BATF3: variants seen among roughly 807,000 people sequenced by gnomAD.
The protein encoded by BATF3 is basic leucine zipper ATF-like transcription factor 3, also known as basic leucine zipper transcriptional factor ATF-like 3.
A neutral mutation model predicts 16.1 loss-of-function variants in BATF3; 8 were observed. The observed-to-expected ratio is 0.50, with a 90% CI of 0.29 to 0.90. The LOEUF (loss-of-function observed/expected upper bound fraction) is 0.90, where lower values mean the gene tolerates loss of function less well. Ranked by LOEUF, BATF3 falls within the 40% of genes least tolerant of loss-of-function variation. The pLI, the probability that BATF3 is intolerant of heterozygous loss-of-function variation, is 0.08. For synonymous variants in BATF3, 74 were observed against 72.7 expected (o/e 1.02, Z -0.09); for missense variants, 139 against 167.0 (o/e 0.83, Z 0.92).
intron 1 of BATF3, chr1:212,697,906 C>A (rs1301529123): frequency 6.6e-6 from 1 of 152,162 alleles, no homozygotes; most frequent in Non-Finnish European, 1.5e-5. Flanking sequence ...GGGAAAAATA[C>A]CACACTTACA....
At position 212,699,255 on chromosome 1, in the gene BATF3, C is replaced by CA. The variant is rs1280760134; in HGVS notation, c.90+417dup. ...CCGGCGTTCTCCATTCCCGCGGCAG[C>CA]ACCCCCCCCACCCGGGGGAATCCTG... On this transcript the variant is annotated intron_variant, in intron 1 of 2. Transcript: ENST00000243440. The surrounding 1 kb of genome is among the most constrained non-coding windows in gnomAD (Gnocchi z 4.4). 2.3e-5 allele frequency among the ~76,000 whole-genome samples: 3 copies of CA among 132,230 alleles called. No homozygotes were observed. The highest frequency in any genetic ancestry group is 8.4e-5 in the African/African-American group (3 of 35,814). 86.7% of individuals were successfully genotyped at this position (132,230 alleles called of 152,430 possible).
At chr1:212,687,751 C>A (rs1656883178) in intron 2 of BATF3, among the ~76,000 whole-genome samples, 2 of 151,744 alleles carry the variant, frequency 1.3e-5, no homozygotes, top group South Asian at 4.2e-4. Flanking sequence ...CACAGTGGGA[C>A]CCCATCTCTA....
chr1:212,689,045 G>C lies in BATF3; in HGVS notation c.196-2066C>G, dbSNP rs1188255576. 1.3e-5 allele frequency among the ~76,000 whole-genome samples: 2 copies of C among 152,102 alleles called. No individual in the cohort carries two copies. Among genetic ancestry groups the C allele is most frequent in the Non-Finnish European group, 2.9e-5 (2 of 68,020 alleles). ...TCCAGCTCAAGCCCACCACCTCCAG[G>C]AAGGCTTCCCTGACCACAGCACCTA... On this transcript the variant is annotated intron_variant, in intron 2 of 2. Transcript: ENST00000243440. The surrounding 1 kb of genome is among the most constrained non-coding windows in gnomAD (Gnocchi z 4.6).
intron 2 of BATF3, among the ~76,000 whole-genome samples, chr1:212,695,703 A>G (rs1657111263): frequency 6.6e-6 from 1 of 151,986 alleles, no homozygotes; most frequent in Admixed American, 6.6e-5. Flanking sequence ...ACACACACCA[A>G]CCCCGACAAA....
At position 212,699,413 on chromosome 1, in the gene BATF3, C is replaced by A. The variant is rs911165735; in HGVS notation, c.90+260G>T. Among the ~76,000 whole-genome samples the A allele has an allele frequency of 6.6e-6, 1 of 152,130 alleles. No individual in the cohort carries two copies. Among genetic ancestry groups the A allele is most frequent in the African/African-American group, 2.4e-5 (1 of 41,444 alleles). Reference sequence around the variant, plus strand: ...CGGCCCAGCCAGGCGTCGGCGCCCTCGGGCTTCTTCCCCCAGAGGGCGCAG... The same window carrying A: ...CGGCCCAGCCAGGCGTCGGCGCCCTAGGGCTTCTTCCCCCAGAGGGCGCAG... On this transcript the variant is annotated intron_variant, in intron 1 of 2. Coordinates refer to ENST00000243440, the MANE Select transcript of BATF3 (RefSeq NM_018664.3). This position sits in a 1 kb window ranked among gnomAD's most constrained non-coding sequence, Gnocchi z 4.4.
In BATF3 at chr1:212,686,981, T is replaced by C; in HGVS notation, c.196-2A>G. 1 of 1,581,866 alleles carries C rather than the reference T, an allele frequency of 6.3e-7. No individual in the cohort carries two copies. ...TTCTTGCTCCAGGCTCTCATATTCC[T>C]GGGGGAGACAGAATGGGCAAAATCA... On this transcript the variant is annotated splice_acceptor_variant, in intron 2 of 2. Coordinates refer to ENST00000243440, the MANE Select transcript of BATF3 (RefSeq NM_018664.3). LOFTEE classifies it high-confidence loss of function.
Position 212,686,795 on chromosome 1 carries a change from C to T in BATF3, c.380G>A (p.Arg127Gln), listed in dbSNP as rs766884876. The stretch of plus-strand genomic sequence containing the variant: ...GGCAGAGGAGTGTCCCCGGCTTCAT[C>T]GGGGCAAGCAGCCGGCCACAGGGTC... ...RPDPVAGCLP[R>Q] Residue 127 changes from arginine (R) to glutamine (Q), a missense_variant, in exon 3 of 3, where the codon CGA becomes CAA. Physicochemically the swap from Arg to Gln is conservative, Grantham distance 43. Transcript: ENST00000243440. 1.1e-5 allele frequency: 18 copies of T among 1,610,846 alleles called. No homozygotes were observed. Among genetic ancestry groups the T allele is most frequent in the Middle Eastern group, 1.7e-4 (1 of 5,806 alleles).
intron 2 of BATF3, among the ~76,000 whole-genome samples, chr1:212,696,483 G>A (rs1657135044): frequency 6.6e-6 from 1 of 151,962 alleles, no homozygotes; most frequent in Admixed American, 6.6e-5. Context: ...GTGAATGTGT[G>A]TGTTTGTTTG....
intron 1 of BATF3, 78 bp from the exon 2 acceptor site, chr1:212,697,143 T>C (rs1354481111): frequency 1.7e-6 from 2 of 1,148,036 alleles, no homozygotes; most frequent in East Asian, 4.8e-5. Context: ...TCACTCAGCG[T>C]TGTTCACTGA....
chr1:212,697,188 T>C (rs1386037936), intron 1 of BATF3, 123 bp from the exon 2 acceptor site: 2 of 714,684 alleles, frequency 2.8e-6, no homozygotes, highest in African/African-American at 3.5e-5. Flanking sequence ...ACAGCACCAC[T>C]AGTTGCTATA....
At chr1:212,690,977 CAT>C (rs1656986143) in intron 2 of BATF3, among the ~76,000 whole-genome samples, 1 of 152,220 alleles carries the variant, frequency 6.6e-6, no homozygotes, top group South Asian at 2.1e-4. Flanking sequence ...GCTACTACAT[CAT>C]GTGGCTAGAG....
At chr1:212,695,450 T>C (rs545294903) in intron 2 of BATF3, among the ~76,000 whole-genome samples, 53 of 123,082 alleles carry the variant, frequency 4.3e-4, no homozygotes, top group Admixed American at 2.2e-4. Context: ...GCTGAGATCA[T>C]GCCACTGCAC....
intron 2 of BATF3, among the ~76,000 whole-genome samples, 194 bp from the exon 3 acceptor site, chr1:212,687,173 G>A (rs759879484): frequency 2.0e-5 from 3 of 152,138 alleles, no homozygotes; most frequent in Non-Finnish European, 4.4e-5. Flanking sequence ...ATTTATTGAG[G>A]TATAACTTAC....
chr1:212,697,174 G>A lies in BATF3; in HGVS notation c.91-109C>T, dbSNP rs903931709. On this transcript the variant is annotated intron_variant, in intron 1 of 2. Transcript: ENST00000243440. ...ACTGAGCTTCATCATTTGCTTTGCA[G>A]TAGACAGCACCACTAGTTGCTATAC... The A allele has an allele frequency of 3.6e-6, 3 of 831,262 alleles. No individual in the cohort carries two copies. The Admixed American group carries it at 6.3e-5, about 18-fold the overall frequency. 51.5% of individuals were successfully genotyped at this position (831,262 alleles called of 1,614,324 possible).
chr1:212,691,347 T>G (rs976088472), intron 2 of BATF3, among the ~76,000 whole-genome samples: 1 of 152,218 alleles, frequency 6.6e-6, no homozygotes, highest in Non-Finnish European at 1.5e-5. Context: ...CAAGGTCACA[T>G]AGACCTGGGA....
At chr1:212,696,134 AG>A (rs1188147670) in intron 2 of BATF3, among the ~76,000 whole-genome samples, 1 of 151,670 alleles carries the variant, frequency 6.6e-6, no homozygotes, top group Non-Finnish European at 1.5e-5. Context: ...TAAGTCTTCC[AG>A]GGTGAGAAAA....
chr1:212,686,864 A>G lies in BATF3; in HGVS notation c.311T>C (p.Leu104Pro), dbSNP rs774215474. 4 of 1,614,208 alleles carry G rather than the reference A, an allele frequency of 2.5e-6. No homozygotes were observed. The highest frequency in any genetic ancestry group is 2.5e-6 in the Non-Finnish European group (3 of 1,180,044). The change falls in exon 3 of 3, where the codon CTG (leucine) becomes CCG (proline). Residue 104 changes from leucine to proline, a missense_variant. Physicochemically the swap from Leu to Pro is moderately conservative, Grantham distance 98 (BLOSUM62 -3). Coordinates refer to ENST00000243440, the MANE Select transcript of BATF3 (RefSeq NM_018664.3). ...ALKEHEKMCP[L>P]LLCPMNFVPV... ...CACAAAGTTCATAGGGCAGAGCAGCAGCGGGCACATCTTCTCGTGCTCCTT... is the reference window on the plus strand; with the variant it reads ...CACAAAGTTCATAGGGCAGAGCAGCGGCGGGCACATCTTCTCGTGCTCCTT...
chr1:212,691,152 C>T (rs58453080), intron 2 of BATF3, among the ~76,000 whole-genome samples: 6,630 of 152,146 alleles, frequency 0.044, 477 homozygotes, highest in African/African-American at 0.15. Context: ...TACGCAGGGT[C>T]CAGGATGCCT....
chr1:212,692,781 TC>T (rs1182706853), intron 2 of BATF3, among the ~76,000 whole-genome samples: 4 of 152,314 alleles, frequency 2.6e-5, no homozygotes, highest in African/African-American at 9.6e-5. Context: ...ATATCCCCCC[TC>T]AGGATATGCA....
Sources: allele counts gnomAD v4.1 joint callset (sites outside exome capture counted in the v4.1 genomes callset), GRCh38; gene constraint gnomAD v4.1.1; non-coding constraint Gnocchi (gnomAD v3.1); transcripts MANE v1.5; gene names NCBI Gene and HGNC (gene_info 2026-07-23, HGNC 2026-07-21).